LRP1B: variants seen among roughly 807,000 people sequenced by gnomAD.
LRP1B encodes the protein low-density lipoprotein receptor-related protein 1B.
A neutral mutation model predicts 556.6 loss-of-function variants in LRP1B; 217 were observed. The ratio of observed to expected loss-of-function variants is 0.39; its 90% CI spans 0.35 to 0.44. The LOEUF is 0.44. LRP1B is among the 20% of genes least tolerant of loss of function. LRP1B has a pLI of 1.00. For synonymous variants in LRP1B, 2,047 were observed against 1,865.8 expected, an observed-to-expected ratio of 1.10 and a Z score of -2.50; for missense variants, 5,053 against 5,620.8, an observed-to-expected ratio of 0.90 and a Z score of 3.23.
intron 3 of LRP1B, among the ~76,000 whole-genome samples, chr2:141,303,565 T>C (rs1686473458): frequency 6.6e-6 from 1 of 152,160 alleles, no homozygotes; most frequent in South Asian, 2.1e-4. Context: ...AGGTTTATTT[T>C]ACTTAACATA....
chr2:140,970,035 C>A (rs184874121), intron 18 of LRP1B, among the ~76,000 whole-genome samples: 6 of 152,040 alleles, frequency 3.9e-5, no homozygotes, highest in African/African-American at 1.4e-4. Context: ...ATCTTTGGGG[C>A]ATTCTCTGTA....
intron 37 of LRP1B, among the ~76,000 whole-genome samples, chr2:140,706,828 C>CTTT (rs5834767): frequency 9.2e-4 from 138 of 150,516 alleles, no homozygotes; most frequent in Admixed American, 1.5e-3. Flanking sequence ...TCAGGAAAAA[C>CTTT]TTTTTTTTTT....
chr2:140,662,529 GA>G (rs1685133527), intron 41 of LRP1B, among the ~76,000 whole-genome samples: 1 of 151,956 alleles, frequency 6.6e-6, no homozygotes, highest in Non-Finnish European at 1.5e-5. Flanking sequence ...AGAGAACAAG[GA>G]ACTAATTTGA....
intron 60 of LRP1B, among the ~76,000 whole-genome samples, chr2:140,472,815 A>G (rs566515517): frequency 6.6e-6 from 1 of 152,208 alleles, no homozygotes; most frequent in Non-Finnish European, 1.5e-5. Flanking sequence ...GCTTATGAGA[A>G]AGGGCTGTTG....
rs1700659000 is a variant in LRP1B, at chr2:141,108,331, TTTC to T, written c.1014-46061_1014-46059del. Among the ~76,000 whole-genome samples the T allele has an allele frequency of 5.8e-5, 7 of 121,482 alleles. No individual in the cohort carries two copies. The East Asian group carries it at 6.9e-4, about 12-fold the overall frequency. The allele number at this position is 121,482 out of a possible 152,430, so 79.7% of individuals were successfully genotyped here. A position where few individuals can be genotyped will look rare whatever the true frequency, so the allele number is the denominator to read the frequency against. On this transcript the variant is annotated intron_variant, in intron 7 of 90. Transcript: ENST00000389484. The stretch of plus-strand genomic sequence containing the variant: ...CAGACAAAAATATGTTTATAATCTG[TTTC>T]TTTTTTTTTTTTTTTTTTTTTTTTT...
intron 17 of LRP1B, among the ~76,000 whole-genome samples, chr2:140,982,742 G>A (rs1015253960): frequency 3.3e-5 from 5 of 152,028 alleles, no homozygotes; most frequent in Non-Finnish European, 5.9e-5. Context: ...TCATGGGGTC[G>A]AATTGTCCTA....
At chr2:141,147,583 G>A (rs1701818216) in intron 7 of LRP1B, among the ~76,000 whole-genome samples, 1 of 152,050 alleles carries the variant, frequency 6.6e-6, no homozygotes, top group Non-Finnish European at 1.5e-5. Flanking sequence ...AGCTGACTTA[G>A]GGGATTTCTA....
At chr2:141,526,356 G>A (rs565750199) in intron 2 of LRP1B, among the ~76,000 whole-genome samples, 40 of 152,008 alleles carry the variant, frequency 2.6e-4, no homozygotes, top group African/African-American at 9.2e-4. Flanking sequence ...GTCTCAAGCA[G>A]TAAAGGCAAA....
intron 43 of LRP1B, among the ~76,000 whole-genome samples, chr2:140,592,215 A>G (rs978791540): frequency 6.6e-6 from 1 of 152,168 alleles, no homozygotes; most frequent in Admixed American, 6.5e-5. Flanking sequence ...AGAAATAAGG[A>G]TATTAAGTTT....
intron 1 of LRP1B, among the ~76,000 whole-genome samples, chr2:142,054,799 C>A (rs1704602503): frequency 6.6e-6 from 1 of 151,928 alleles, no homozygotes; most frequent in Non-Finnish European, 1.5e-5. Context: ...CACTCTAATT[C>A]AAATTTCAGA....
At chr2:140,512,916 TTA>T (rs1197853426) in intron 51 of LRP1B, among the ~76,000 whole-genome samples, 2 of 152,158 alleles carry the variant, frequency 1.3e-5, no homozygotes, top group African/African-American at 4.8e-5. Context: ...AGTATTTTCT[TTA>T]TGTGTCTCAA....
chr2:140,651,406 A>G (rs512656), intron 41 of LRP1B, among the ~76,000 whole-genome samples: 142,172 of 144,184 alleles, frequency 0.99, 70,127 homozygotes, highest in Middle Eastern at 1. Flanking sequence ...AATGCTAGAT[A>G]ACGAGTTAGT....
At chr2:140,955,081 T>C (rs926029707) in intron 18 of LRP1B, among the ~76,000 whole-genome samples, 8 of 151,978 alleles carry the variant, frequency 5.3e-5, no homozygotes, top group African/African-American at 1.9e-4. Context: ...CTATAAGTCC[T>C]AGAGATCAAG....
At chr2:141,495,388 A>T (rs1683476044) in intron 2 of LRP1B, among the ~76,000 whole-genome samples, 1 of 152,126 alleles carries the variant, frequency 6.6e-6, no homozygotes, top group Admixed American at 6.6e-5. Context: ...ACGGGATCTG[A>T]AACAAGAAGG....
intron 86 of LRP1B, among the ~76,000 whole-genome samples, chr2:140,250,379 GTAGA>G (rs1681359214): frequency 1.3e-5 from 2 of 151,752 alleles, no homozygotes; most frequent in Middle Eastern, 3.2e-3. Context: ...AGGTAGGTAG[GTAGA>G]TAAACAGATA....
intron 2 of LRP1B, among the ~76,000 whole-genome samples, chr2:141,538,540 TACAGATGGGCCAGTGATTAA>T (rs1358739132): frequency 6.6e-6 from 1 of 152,062 alleles, no homozygotes; most frequent in African/African-American, 2.4e-5. Flanking sequence ...AAACCCTGAA[TACAGATGGGCCAGTGATTAA>T]TCCACATCTA....
intron 43 of LRP1B, among the ~76,000 whole-genome samples, chr2:140,561,610 T>C (rs1680933565): frequency 6.6e-6 from 1 of 152,028 alleles, no homozygotes; most frequent in Non-Finnish European, 1.5e-5. Flanking sequence ...CCCGACAGAA[T>C]GAAGGAAAGA....
At chr2:141,322,291 T>C (rs183408965) in intron 3 of LRP1B, among the ~76,000 whole-genome samples, 15 of 152,152 alleles carry the variant, frequency 9.9e-5, no homozygotes, top group African/African-American at 3.1e-4. Context: ...CAGAGTACTA[T>C]AGCAAATACT....
intron 52 of LRP1B, among the ~76,000 whole-genome samples, chr2:140,508,667 A>G (rs1053017653): frequency 6.6e-6 from 1 of 152,210 alleles, no homozygotes; most frequent in Non-Finnish European, 1.5e-5. Flanking sequence ...CAGGTGAATT[A>G]CACCAATTCC....
Sources: gnomAD v4.1 joint callset for allele counts (sites outside exome capture counted in the v4.1 genomes callset) on GRCh38, gnomAD v4.1.1 for gene constraint, MANE v1.5 for transcripts, NCBI Gene and HGNC (gene_info 2026-07-23, HGNC 2026-07-21) for gene names.